TMED3: variants seen among roughly 807,000 people sequenced by gnomAD.
TMED3 encodes the protein transmembrane p24 trafficking protein 3.
A neutral mutation model predicts 15.0 loss-of-function variants in TMED3; 9 were observed. The observed-to-expected ratio is 0.60, with a 90% CI of 0.36 to 1.04. The LOEUF is 1.04. Among genes scored for constraint, TMED3 ranks in the 50% least tolerant of loss-of-function variants. The pLI is 0.01. For synonymous variants in TMED3, 117 were observed against 121.4 expected (o/e 0.96, Z 0.24); for missense variants, 267 against 278.9 (o/e 0.96, Z 0.30).
At chr15:79,324,029 C>T (rs1364086821), downstream of TMED3, among the ~76,000 whole-genome samples, 4 of 152,248 alleles carry the variant, frequency 2.6e-5, no homozygotes, top group South Asian at 2.1e-4. Flanking sequence ...CTCACTCTGT[C>T]GCCCAGGCTG....
At chr15:79,330,707 A>G (rs2141223216) in intron 2 of TMED3, among the ~76,000 whole-genome samples, 1 of 152,314 alleles carries the variant, frequency 6.6e-6, no homozygotes, top group South Asian at 2.1e-4. Context: ...GAACCATAAA[A>G]GACCCCAAAT....
In TMED3 at chr15:79,391,354, C is replaced by T. The variant is rs28768721; in HGVS notation, c.418-20046C>T. Among the ~76,000 whole-genome samples, 120 of 152,144 alleles carry T rather than the reference C, an allele frequency of 7.9e-4. 1 individual carries two copies. Among genetic ancestry groups the T allele is most frequent in the African/African-American group, 2.8e-3 (116 of 41,542 alleles). On this transcript the variant is annotated intron_variant, in intron 2 of 2. Transcript: ENST00000424155. ...CAGTGATCACTCAGGAGCAGGTTAT[C>T]TGATTTATGTGTATTTTCATAATTT... is the stretch of plus-strand genomic sequence containing the variant.
At chr15:79,375,142 A>T (rs1174159311) in intron 2 of TMED3, among the ~76,000 whole-genome samples, 1 of 152,190 alleles carries the variant, frequency 6.6e-6, no homozygotes, top group Non-Finnish European at 1.5e-5. Context: ...TATCAGCAGC[A>T]TCCCTCTGGC....
intron 2 of TMED3, among the ~76,000 whole-genome samples, chr15:79,405,860 C>T (rs143742433): frequency 5.3e-4 from 80 of 152,304 alleles, no homozygotes; most frequent in African/African-American, 1.8e-3. Flanking sequence ...GCAAGGCAGT[C>T]GATGTGTACT....
At position 79,388,344 on chromosome 15, in the gene TMED3, A is replaced by C. The variant is rs528030628; in HGVS notation, c.418-23056A>C. Among the ~76,000 whole-genome samples, 4 of 152,204 alleles carry C rather than the reference A, an allele frequency of 2.6e-5. No homozygotes were observed. In the South Asian group the frequency reaches 6.2e-4, roughly 24 times the overall value. ...CCATTAATGAATGATGAATTTTATA[A>C]ATGTTTTATTCTATTTTTTGAGATG... On this transcript the variant is annotated intron_variant, in intron 2 of 2. Transcript: ENST00000424155.
intron 2 of TMED3, among the ~76,000 whole-genome samples, chr15:79,393,333 T>G (rs961189178): frequency 1.3e-5 from 2 of 152,126 alleles, no homozygotes; most frequent in African/African-American, 4.8e-5. Context: ...AAAAACTGAG[T>G]AGCTACTATC....
At chr15:79,319,684 T>C (rs957582206) in intron 2 of TMED3, among the ~76,000 whole-genome samples, 4 of 151,996 alleles carry the variant, frequency 2.6e-5, no homozygotes, top group Non-Finnish European at 5.9e-5. Flanking sequence ...CTGATACTTA[T>C]TGGATACAAG....
chr15:79,322,547 C>A lies in TMED3; in HGVS notation c.*333C>A. On this transcript the variant is annotated 3_prime_UTR_variant, in exon 3 of 3. Coordinates refer to ENST00000299705, the MANE Select transcript of TMED3 (RefSeq NM_007364.4). ...ACTCCAAGTGCCCAGGCCTCTTGGG[C>A]AGCTTAGGGCCCTGCCTCTGTTTCA... 8.9e-7 allele frequency: 1 copy of A among 1,126,750 alleles called. No homozygotes were observed. The highest frequency in any genetic ancestry group is 1.1e-6 in the Non-Finnish European group (1 of 919,102). 69.8% of individuals were successfully genotyped at this position (1,126,750 alleles called of 1,614,324 possible).
At chr15:79,325,657 A>G (rs1379430329), downstream of TMED3, among the ~76,000 whole-genome samples, 1 of 152,208 alleles carries the variant, frequency 6.6e-6, no homozygotes, top group Non-Finnish European at 1.5e-5. Flanking sequence ...CAAGGAAGCC[A>G]GTAGAGGCTC....
chr15:79,400,321 T>G (rs1465096438), intron 2 of TMED3, among the ~76,000 whole-genome samples: 3 of 152,228 alleles, frequency 2.0e-5, no homozygotes, highest in African/African-American at 7.2e-5. Context: ...ATTTTCTTCC[T>G]GGCTTCTTCG....
intron 2 of TMED3, among the ~76,000 whole-genome samples, chr15:79,331,304 T>C (rs767490373): frequency 3.9e-5 from 6 of 152,092 alleles, no homozygotes; most frequent in Admixed American, 6.5e-5. Flanking sequence ...AGAACCTTCA[T>C]TGGGAGGACA....
intron 2 of TMED3, among the ~76,000 whole-genome samples, chr15:79,332,313 G>T (rs1043867195): frequency 2.0e-5 from 3 of 152,210 alleles, no homozygotes; most frequent in Non-Finnish European, 4.4e-5. Flanking sequence ...TGCCCATCAG[G>T]CTCCAAGGGA....
chr15:79,411,617 T>A lies in TMED3; in HGVS notation c.*113T>A, dbSNP rs1893981878. ...ACCATGCACTGGGACTAGCTCCTGG[T>A]CCCCAGTGACTCCAGGGGAACAGGT... On this transcript the variant is annotated 3_prime_UTR_variant, in exon 3 of 3. Transcript: ENST00000424155. 3 of 649,558 alleles carry A rather than the reference T, an allele frequency of 4.6e-6. No individual in the cohort carries two copies. The Admixed American group carries it at 6.5e-5, about 14-fold the overall frequency. 40.2% of individuals were successfully genotyped at this position (649,558 alleles called of 1,614,324 possible).
chr15:79,345,684 G>A (rs2058868462), intron 2 of TMED3, among the ~76,000 whole-genome samples: 1 of 152,150 alleles, frequency 6.6e-6, no homozygotes, highest in Non-Finnish European at 1.5e-5. Context: ...GGATTGCTGG[G>A]TCAAATAATA....
At chr15:79,375,161 C>T (rs1567035485) in intron 2 of TMED3, among the ~76,000 whole-genome samples, 1 of 152,206 alleles carries the variant, frequency 6.6e-6, no homozygotes, top group Non-Finnish European at 1.5e-5. Flanking sequence ...GCCCTTTAAT[C>T]CTTGTCATGC....
At position 79,377,081 on chromosome 15, in the gene TMED3, C is replaced by A. The variant is rs145291377; in HGVS notation, c.418-34319C>A. On this transcript the variant is annotated intron_variant, in intron 2 of 2. Transcript: ENST00000424155. ...CAGGGAGCAGAGATTACAGGTATTA[C>A]AGGTGTCATAAAAAAGTACAGAATA... is the stretch of plus-strand genomic sequence containing the variant. Among the ~76,000 whole-genome samples, 699 of 152,318 alleles carry A rather than the reference C, an allele frequency of 4.6e-3. 19 individuals are homozygous for A. The highest frequency in any genetic ancestry group is 0.042 in the Admixed American group (646 of 15,308).
At chr15:79,392,878 A>C (rs1466618545) in intron 2 of TMED3, among the ~76,000 whole-genome samples, 2 of 152,208 alleles carry the variant, frequency 1.3e-5, no homozygotes, top group Non-Finnish European at 2.9e-5. Context: ...AAGGCTGTAC[A>C]AGAGTTGGTT....
chr15:79,380,162 C>T (rs888203117), intron 2 of TMED3, among the ~76,000 whole-genome samples: 4 of 151,932 alleles, frequency 2.6e-5, no homozygotes, highest in African/African-American at 4.8e-5. Context: ...ACCAGCCTGA[C>T]CAACATGGTG....
chr15:79,382,615 A>G (rs1893555168), intron 2 of TMED3, among the ~76,000 whole-genome samples: 1 of 152,094 alleles, frequency 6.6e-6, no homozygotes, highest in South Asian at 2.1e-4. Flanking sequence ...TGCCCTTCAC[A>G]ATTCTTCTGG....
Sources: gnomAD v4.1 joint callset for allele counts (sites outside exome capture counted in the v4.1 genomes callset) on GRCh38, gnomAD v4.1.1 for gene constraint, MANE v1.5 for transcripts, NCBI Gene and HGNC (gene_info 2026-07-23, HGNC 2026-07-21) for gene names.